The following KCNB2 variants were observed in gnomAD, a reference collection of about 807,000 sequenced individuals.
KCNB2 encodes the protein potassium voltage-gated channel subfamily B member 2.
In KCNB2, 15 loss-of-function variants were observed where a neutral mutation model predicts 61.5. The ratio of observed to expected loss-of-function variants is 0.24; its 90% CI spans 0.16 to 0.38. The LOEUF is 0.38. Ranked by LOEUF, KCNB2 falls within the 10% of genes least tolerant of loss-of-function variation. KCNB2 has a pLI of 1.00. For missense variants in KCNB2, 828 were observed against 1,125.2 expected, an observed-to-expected ratio of 0.74 and a Z score of 3.78; for synonymous variants, 457 against 446.0, an observed-to-expected ratio of 1.02 and a Z score of -0.31.
Position 72,553,597 on chromosome 8 carries a change from C to CT in KCNB2, c.-93-14037dup, listed in dbSNP as rs1202049614. ...ATGTCATTTTAAATTTGGAATCCTACTTTTTTTTCTAAATCTAAGGAGAGC... is the reference window on the plus strand; with the variant it reads ...ATGTCATTTTAAATTTGGAATCCTACTTTTTTTTTCTAAATCTAAGGAGAGC... On this transcript the variant is annotated intron_variant, in intron 1 of 2. Transcript: ENST00000523207. Among the ~76,000 whole-genome samples, 2 of 151,834 alleles carry CT rather than the reference C, an allele frequency of 1.3e-5. 1 individual carries two copies. Among genetic ancestry groups the CT allele is most frequent in the African/African-American group, 4.8e-5 (2 of 41,378 alleles).
At chr8:72,785,648 C>A (rs1417954813) in intron 2 of KCNB2, among the ~76,000 whole-genome samples, 4 of 151,966 alleles carry the variant, frequency 2.6e-5, no homozygotes, top group Non-Finnish European at 5.9e-5. Flanking sequence ...TTGGAGATAT[C>A]TACTATGAAT....
chr8:72,587,447 G>T (rs1182811572), intron 2 of KCNB2, among the ~76,000 whole-genome samples: 2 of 152,200 alleles, frequency 1.3e-5, no homozygotes, highest in Non-Finnish European at 1.5e-5. Flanking sequence ...TGTAGGGCCA[G>T]CTGCAGTGGC....
intron 2 of KCNB2, among the ~76,000 whole-genome samples, chr8:72,569,671 G>A (rs1806680780): frequency 6.6e-6 from 1 of 152,070 alleles, no homozygotes; most frequent in Admixed American, 6.6e-5. Context: ...TTTTGATTGA[G>A]AAAGGCTACT....
intron 2 of KCNB2, among the ~76,000 whole-genome samples, chr8:72,688,035 T>A (rs1367676186): frequency 1.3e-5 from 2 of 152,116 alleles, no homozygotes; most frequent in Non-Finnish European, 2.9e-5. Flanking sequence ...TAGAACCTCT[T>A]TGCTGGAGAT....
chr8:72,720,993 A>G (rs1807539297), intron 2 of KCNB2, among the ~76,000 whole-genome samples: 1 of 151,908 alleles, frequency 6.6e-6, no homozygotes, highest in Non-Finnish European at 1.5e-5. Context: ...CTAGCTGATC[A>G]GAGCTTTTTA....
At chr8:72,595,553 T>A (rs1159717957) in intron 2 of KCNB2, among the ~76,000 whole-genome samples, 1 of 152,072 alleles carries the variant, frequency 6.6e-6, no homozygotes, top group African/African-American at 2.4e-5. Context: ...CTCGAACTCC[T>A]GACCTCGTGA....
At chr8:72,698,710 C>T (rs1807061292) in intron 2 of KCNB2, among the ~76,000 whole-genome samples, 1 of 152,066 alleles carries the variant, frequency 6.6e-6, no homozygotes, top group Non-Finnish European at 1.5e-5. Flanking sequence ...AATAAAGCTG[C>T]ACACCTACAG....
intron 2 of KCNB2, among the ~76,000 whole-genome samples, chr8:72,615,375 G>A (rs1271675399): frequency 1.3e-5 from 2 of 152,126 alleles, no homozygotes; most frequent in African/African-American, 4.8e-5. Flanking sequence ...GGCATACGAG[G>A]CACAAGATGA....
At chr8:72,795,253 C>T (rs1809014333) in intron 2 of KCNB2, among the ~76,000 whole-genome samples, 1 of 152,192 alleles carries the variant, frequency 6.6e-6, no homozygotes, top group Non-Finnish European at 1.5e-5. Context: ...TACGTATTTT[C>T]TACTTGCCTA....
At chr8:72,915,728 G>A (rs1177632949) in intron 2 of KCNB2, among the ~76,000 whole-genome samples, 5 of 152,032 alleles carry the variant, frequency 3.3e-5, no homozygotes, top group African/African-American at 1.2e-4. Context: ...TACCATCCTG[G>A]CTAACGCGGT....
chr8:72,684,869 C>T (rs1054856987), intron 2 of KCNB2, among the ~76,000 whole-genome samples: 3 of 152,154 alleles, frequency 2.0e-5, no homozygotes, highest in Non-Finnish European at 4.4e-5. Flanking sequence ...GGGGTCCACC[C>T]AACATAATTT....
chr8:72,814,173 A>T (rs1053361695), intron 2 of KCNB2, among the ~76,000 whole-genome samples: 2 of 152,174 alleles, frequency 1.3e-5, no homozygotes, highest in Admixed American at 6.6e-5. Flanking sequence ...TTGTGAATAC[A>T]TATTAATTTA....
intron 2 of KCNB2, among the ~76,000 whole-genome samples, chr8:72,715,947 C>G (rs901345972): frequency 6.6e-6 from 1 of 152,060 alleles, no homozygotes; most frequent in African/African-American, 2.4e-5. Flanking sequence ...AGAGAAGAAT[C>G]AAATAGATGC....
At chr8:72,814,961 GAAAC>G (rs1292301323) in intron 2 of KCNB2, among the ~76,000 whole-genome samples, 5 of 152,144 alleles carry the variant, frequency 3.3e-5, no homozygotes, top group Non-Finnish European at 5.9e-5. Context: ...TTATTAAAGA[GAAAC>G]AAAGCAGAGC....
intron 2 of KCNB2, among the ~76,000 whole-genome samples, chr8:72,795,902 C>T (rs16938372): frequency 0.3 from 45,886 of 151,986 alleles, 7,288 homozygotes; most frequent in South Asian, 0.51. Flanking sequence ...AAAAACCAAA[C>T]TAGCTTCTAT....
intron 2 of KCNB2, among the ~76,000 whole-genome samples, chr8:72,714,464 A>G (rs1341282339): frequency 2.0e-5 from 3 of 152,240 alleles, no homozygotes; most frequent in Non-Finnish European, 4.4e-5. Flanking sequence ...CGGATCTCTC[A>G]GCAGAAACTC....
intron 2 of KCNB2, among the ~76,000 whole-genome samples, chr8:72,756,250 C>T (rs1563581293): frequency 6.6e-6 from 1 of 152,218 alleles, no homozygotes; most frequent in Non-Finnish European, 1.5e-5. Context: ...CTCCCTCTCA[C>T]TTCCTGCCAT....
intron 2 of KCNB2, among the ~76,000 whole-genome samples, chr8:72,709,661 A>C (rs1807292896): frequency 6.6e-6 from 1 of 152,004 alleles, no homozygotes; most frequent in African/African-American, 2.4e-5. Context: ...GATGGTGCTA[A>C]GCCATTCATG....
chr8:72,593,860 G>C (rs760109470), intron 2 of KCNB2, among the ~76,000 whole-genome samples: 25 of 152,228 alleles, frequency 1.6e-4, no homozygotes, highest in Non-Finnish European at 2.6e-4. Context: ...TCTGCCAAAT[G>C]ACTTTGCTCT....
Sources: gnomAD v4.1 joint callset for allele counts (sites outside exome capture counted in the v4.1 genomes callset) on GRCh38, gnomAD v4.1.1 for gene constraint, MANE v1.5 for transcripts, NCBI Gene and HGNC (gene_info 2026-07-23, HGNC 2026-07-21) for gene names.